KIT: variants seen among roughly 807,000 people sequenced by gnomAD.
KIT encodes KIT proto-oncogene, receptor tyrosine kinase, also known as mast/stem cell growth factor receptor Kit.
Under a neutral mutation model 105.7 loss-of-function variants are expected in KIT, and 16 were observed. The ratio of observed to expected loss-of-function variants is 0.15; its 90% CI spans 0.10 to 0.23. KIT has a LOEUF of 0.23. Among genes scored for constraint, KIT ranks in the 10% least tolerant of loss-of-function variants. KIT has a pLI of 1.00. For synonymous variants in KIT, 438 were observed against 441.1 expected (o/e 0.99, Z 0.09); for missense variants, 858 against 1,213.8 (o/e 0.71, Z 4.36).
At chr4:54,725,814 A>G in intron 8 of KIT, 43 bp from the exon 9 acceptor site, 6 of 1,549,038 alleles carry the variant, frequency 3.9e-6, no homozygotes, top group Non-Finnish European at 5.3e-6. Flanking sequence ...GTATTTATTT[A>G]TTTTCCTAGA....
chr4:54,667,222 T>C (rs1281257500), intron 1 of KIT, among the ~76,000 whole-genome samples: 1 of 152,170 alleles, frequency 6.6e-6, no homozygotes. Context: ...GGTCATTTTG[T>C]GGTCATGGCT....
At chr4:54,713,998 G>A (rs1483748382) in intron 7 of KIT, among the ~76,000 whole-genome samples, 3 of 152,090 alleles carry the variant, frequency 2.0e-5, no homozygotes, top group African/African-American at 7.2e-5. Context: ...AGTGGAAACT[G>A]ATAGGAATTT....
At chr4:54,712,250 C>T (rs1272883270) in intron 7 of KIT, among the ~76,000 whole-genome samples, 1 of 152,108 alleles carries the variant, frequency 6.6e-6, no homozygotes, top group Admixed American at 6.5e-5. Context: ...ATACAAAATA[C>T]AAGCTCGGGT....
chr4:54,727,686 C>T (rs1186506128), intron 11 of KIT, 137 bp from the exon 12 acceptor site: 1 of 1,289,554 alleles, frequency 7.8e-7, no homozygotes, highest in Non-Finnish European at 1.1e-6. Flanking sequence ...ATAGGTTTGC[C>T]ATAGAGAACA....
chr4:54,707,742 A>G (rs1720883621), intron 6 of KIT, among the ~76,000 whole-genome samples: 1 of 152,228 alleles, frequency 6.6e-6, no homozygotes, highest in Non-Finnish European at 1.5e-5. Flanking sequence ...CATTATAGTA[A>G]AAATAGTAGC....
intron 20 of KIT, 64 bp downstream of exon 20, chr4:54,737,344 C>A: frequency 9.2e-7 from 1 of 1,090,882 alleles, no homozygotes; most frequent in Non-Finnish European, 1.4e-6. Flanking sequence ...TCCTCCTCCT[C>A]AGGCTTTCAG....
At chr4:54,707,420 A>T (rs534162919) in intron 6 of KIT, 133 bp downstream of exon 6, 2 of 696,742 alleles carry the variant, frequency 2.9e-6, no homozygotes, top group African/African-American at 3.5e-5. Flanking sequence ...GCTGCCTCCT[A>T]TGTCCTCATC....
rs72549289 is a variant in KIT, at chr4:54,703,494, C to T, written c.757-230C>T. 0.043 allele frequency among the ~76,000 whole-genome samples: 6,526 copies of T among 152,150 alleles called. 203 individuals are homozygous for T. Among genetic ancestry groups the T allele is most frequent in the Non-Finnish European group, 0.064 (4,379 of 67,954 alleles). ...ATACTAGGGTTAAGAAATGAATTTT[C>T]GTTTTTTTCCCAATCGTTAATAATG... is the stretch of plus-strand genomic sequence containing the variant. On this transcript the variant is annotated intron_variant, in intron 4 of 20. Transcript: ENST00000288135.
chr4:54,703,740 A>C lies in KIT; in HGVS notation c.773A>C (p.Lys258Thr), dbSNP rs1577963039. ...AACCAGCAGACTAAACTACAGGAGA[A>C]ATATAATAGCTGGCATCACGGTGAC... is the stretch of plus-strand genomic sequence containing the variant. Reference protein sequence around the residue: ...RENSQTKLQEKYNSWHHGDFN... With the variant: ...RENSQTKLQETYNSWHHGDFN... The change falls in exon 5 of 21, where the codon AAA becomes ACA. Residue 258 changes from lysine (K) to threonine (T), a missense_variant. Coordinates refer to ENST00000288135, the MANE Select transcript of KIT (RefSeq NM_000222.3). 6.2e-7 allele frequency: 1 copy of C among 1,613,834 alleles called. No homozygotes were observed.
At chr4:54,724,682 T>C (rs1056397688) in intron 8 of KIT, among the ~76,000 whole-genome samples, 1 of 151,936 alleles carries the variant, frequency 6.6e-6, no homozygotes, top group African/African-American at 2.4e-5. Flanking sequence ...TTAGCTTCCC[T>C]GGGCTACACT....
intron 1 of KIT, among the ~76,000 whole-genome samples, chr4:54,675,005 A>G (rs759759457): frequency 1.3e-5 from 2 of 152,064 alleles, no homozygotes; most frequent in African/African-American, 2.4e-5. Context: ...TTTTCCTCTG[A>G]TTTTTTCCCC....
intron 6 of KIT, among the ~76,000 whole-genome samples, chr4:54,708,212 G>A (rs556623708): frequency 4.6e-5 from 7 of 152,282 alleles, no homozygotes; most frequent in African/African-American, 1.7e-4. Flanking sequence ...AGGAAAGACA[G>A]TGACTTTGTT....
intron 1 of KIT, among the ~76,000 whole-genome samples, chr4:54,691,710 T>C (rs1212460206): frequency 2.0e-5 from 3 of 151,932 alleles, no homozygotes; most frequent in Admixed American, 2.0e-4. Context: ...TTTAGGCTGA[T>C]GGACCTCAGA....
intron 1 of KIT, among the ~76,000 whole-genome samples, chr4:54,680,087 T>C (rs1443476757): frequency 6.6e-6 from 1 of 152,190 alleles, no homozygotes; most frequent in Non-Finnish European, 1.5e-5. Context: ...ATAATGGTGA[T>C]GGCCGTACAA....
intron 1 of KIT, among the ~76,000 whole-genome samples, chr4:54,687,522 T>A (rs935043102): frequency 2.0e-5 from 3 of 152,142 alleles, no homozygotes; most frequent in Non-Finnish European, 4.4e-5. Context: ...CCACAAATTA[T>A]TTAACCATTC....
At chr4:54,666,742 G>T (rs577134897) in intron 1 of KIT, among the ~76,000 whole-genome samples, 7 of 152,348 alleles carry the variant, frequency 4.6e-5, no homozygotes, top group African/African-American at 1.7e-4. Context: ...TTAAGGGCCT[G>T]CCTGAAATCG....
intron 1 of KIT, among the ~76,000 whole-genome samples, chr4:54,677,276 C>T (rs778801700): frequency 4.0e-5 from 6 of 151,558 alleles, no homozygotes; most frequent in Non-Finnish European, 8.8e-5. Context: ...TCATCCCCAC[C>T]CTCGTCCCAG....
rs536844739 is a variant in KIT, at chr4:54,713,686, G to A, written c.1231+4147G>A. Among the ~76,000 whole-genome samples the A allele has an allele frequency of 1.2e-4, 19 of 152,232 alleles. 1 individual carries two copies. Among genetic ancestry groups the A allele is most frequent in the African/African-American group, 2.4e-4 (10 of 41,562 alleles). On this transcript the variant is annotated intron_variant, in intron 7 of 20. Transcript: ENST00000288135. ...GATTTGGCATGGTTAAATATTTGGC[G>A]GTTGAAAAATCTATTTGTTTTGAAA...
At chr4:54,671,650 A>G (rs1227702665) in intron 1 of KIT, among the ~76,000 whole-genome samples, 1 of 152,206 alleles carries the variant, frequency 6.6e-6, no homozygotes, top group Non-Finnish European at 1.5e-5. Flanking sequence ...TAAATTTATT[A>G]GTTGACTAGG....
Sources: allele counts gnomAD v4.1 joint callset (sites outside exome capture counted in the v4.1 genomes callset), GRCh38; gene constraint gnomAD v4.1.1; transcripts MANE v1.5; gene names NCBI Gene and HGNC (gene_info 2026-07-23, HGNC 2026-07-21).